Variants in ADCK1 observed in about 807,000 individuals in gnomAD.
The protein encoded by ADCK1 is aarF domain containing kinase 1, also known as aarF domain-containing protein kinase 1.
In ADCK1, 41 loss-of-function variants were observed where a neutral mutation model predicts 52.3. That is an observed-to-expected ratio of 0.78 (90% confidence interval 0.61 to 1.02). The LOEUF (loss-of-function observed/expected upper bound fraction) is 1.02, where lower values mean the gene tolerates loss of function less well. Among genes scored for constraint, ADCK1 ranks in the 50% least tolerant of loss-of-function variants. The pLI, the probability that ADCK1 is intolerant of heterozygous loss-of-function variation, is 0.00. For synonymous variants in ADCK1, 250 were observed against 274.6 expected (o/e 0.91, Z 0.89); for missense variants, 658 against 679.5 (o/e 0.97, Z 0.35).
At chr14:77,852,905 A>ATTTTTTTTTTTTTTTTTT (rs1566668044) in intron 3 of ADCK1, among the ~76,000 whole-genome samples, 1 of 28,438 alleles carries the variant, frequency 3.5e-5, no homozygotes, top group Non-Finnish European at 6.4e-5. Context: ...ATATATATAT[A>ATTTTTTTTTTTTTTTTTT]TATTTTTTTT....
chr14:77,893,868 G>A (rs1008689467), intron 5 of ADCK1, among the ~76,000 whole-genome samples: 2 of 151,862 alleles, frequency 1.3e-5, no homozygotes, highest in African/African-American at 4.8e-5. Context: ...CAAGTAGCTG[G>A]GATTACAGGT....
intron 6 of ADCK1, among the ~76,000 whole-genome samples, chr14:77,899,527 C>T (rs2083485002): frequency 6.6e-6 from 1 of 152,194 alleles, no homozygotes; most frequent in Non-Finnish European, 1.5e-5. Context: ...TGAGCCTTAG[C>T]CAAGAACCTA....
At chr14:77,890,661 A>G (rs1301177414) in intron 5 of ADCK1, among the ~76,000 whole-genome samples, 1 of 152,230 alleles carries the variant, frequency 6.6e-6, no homozygotes. Context: ...AGATCAAATC[A>G]GTAAAGCACT....
chr14:77,842,884 C>CT (rs1225970669), intron 3 of ADCK1, among the ~76,000 whole-genome samples: 9,814 of 135,580 alleles, frequency 0.072, 326 homozygotes, highest in African/African-American at 0.087. Context: ...CTTTTCTTTT[C>CT]TTTCTTTCTT....
chr14:77,801,996 A>G (rs2081120262), intron 1 of ADCK1, among the ~76,000 whole-genome samples: 1 of 152,034 alleles, frequency 6.6e-6, no homozygotes, highest in Non-Finnish European at 1.5e-5. Context: ...GTAACTCACT[A>G]AATATGCCTC....
chr14:77,854,769 A>G (rs887860964), intron 3 of ADCK1, among the ~76,000 whole-genome samples: 1 of 151,972 alleles, frequency 6.6e-6, no homozygotes, highest in African/African-American at 2.4e-5. Context: ...ATGTTGGCCA[A>G]GCTGGTCTTG....
chr14:77,930,447 A>T (rs1233990162), intron 9 of ADCK1, among the ~76,000 whole-genome samples: 3 of 152,014 alleles, frequency 2.0e-5, no homozygotes, highest in African/African-American at 7.3e-5. Context: ...TGCTGCTGGG[A>T]GGCGGGCACA....
chr14:77,924,323 C>T, intron 7 of ADCK1, 134 bp from the exon 8 acceptor site: 1 of 1,136,282 alleles, frequency 8.8e-7, no homozygotes. Context: ...AACAATCACT[C>T]CCACCACAAC....
At chr14:77,901,270 G>A (rs2083536504) in intron 6 of ADCK1, among the ~76,000 whole-genome samples, 1 of 150,858 alleles carries the variant, frequency 6.6e-6, no homozygotes, top group African/African-American at 2.4e-5. Flanking sequence ...GGCTAGTCTT[G>A]AACTCCCGAC....
rs982581074 is a variant in ADCK1 at position 77,810,433 on chromosome 14, G to A, written c.-11-8535G>A. Among the ~76,000 whole-genome samples the A allele has an allele frequency of 2.6e-5, 4 of 151,862 alleles. No homozygotes were observed. The South Asian group carries it at 6.2e-4, about 24-fold the overall frequency. ...CCTGGCCAGTTAATTCTTACAATGA[G>A]CCTAGAAGGTGGGTACTCTCAAGAG... On this transcript the variant is annotated intron_variant, in intron 1 of 10. Transcript: ENST00000238561.
At chr14:77,921,333 A>AAAAAAAAAAAAAC (rs2084050741) in intron 7 of ADCK1, among the ~76,000 whole-genome samples, 1 of 134,846 alleles carries the variant, frequency 7.4e-6, no homozygotes. Flanking sequence ...TCTCAAAAAA[A>AAAAAAAAAAAAAC]AAAAAAAAAA....
At chr14:77,898,550 C>G (rs190935910) in intron 5 of ADCK1, among the ~76,000 whole-genome samples, 1 of 152,080 alleles carries the variant, frequency 6.6e-6, no homozygotes. Context: ...CAAAAAAACC[C>G]AAAGACCGCT....
intron 3 of ADCK1, among the ~76,000 whole-genome samples, chr14:77,837,672 G>A (rs10145976): frequency 0.32 from 49,022 of 152,018 alleles, 8,467 homozygotes; most frequent in African/African-American, 0.43. Context: ...CTCCAGGCCA[G>A]TGGTCCATAC....
intron 4 of ADCK1, among the ~76,000 whole-genome samples, chr14:77,882,649 A>G (rs928240753): frequency 6.6e-6 from 1 of 152,074 alleles, no homozygotes; most frequent in Non-Finnish European, 1.5e-5. Context: ...TGTTTAAGGT[A>G]CTCCAAGCAA....
intron 3 of ADCK1, among the ~76,000 whole-genome samples, chr14:77,849,478 G>A (rs1428011708): frequency 6.6e-6 from 1 of 151,976 alleles, no homozygotes; most frequent in Non-Finnish European, 1.5e-5. Context: ...GTCTCGCTTT[G>A]TTGCTGAGGC....
At chr14:77,916,730 C>T (rs996690922) in intron 7 of ADCK1, among the ~76,000 whole-genome samples, 3 of 152,226 alleles carry the variant, frequency 2.0e-5, no homozygotes, top group Non-Finnish European at 2.9e-5. Context: ...TTCTTTCTTC[C>T]TCACTATCTC....
intron 1 of ADCK1, among the ~76,000 whole-genome samples, chr14:77,804,963 T>C (rs1293169486): frequency 1.3e-5 from 2 of 152,022 alleles, no homozygotes; most frequent in Non-Finnish European, 2.9e-5. Flanking sequence ...TCCCAGCACT[T>C]TGGGAGGCTG....
chr14:77,827,833 G>C (rs745611745), intron 3 of ADCK1: 6 of 369,924 alleles, frequency 1.6e-5, no homozygotes, highest in East Asian at 8.2e-5. Context: ...TTTTTAAAAG[G>C]CTTTTTTTTT....
chr14:77,894,764 T>TTTTTTTTTTTTTTTTTG (rs2083372420), intron 5 of ADCK1, among the ~76,000 whole-genome samples: 1 of 111,050 alleles, frequency 9.0e-6, no homozygotes, highest in Non-Finnish European at 1.8e-5. Context: ...TTTTTTTTTT[T>TTTTTTTTTTTTTTTTTG]AGATGGAGTC....
Sources: allele counts gnomAD v4.1 joint callset (sites outside exome capture counted in the v4.1 genomes callset), GRCh38; gene constraint gnomAD v4.1.1; transcripts MANE v1.5; gene names NCBI Gene and HGNC (gene_info 2026-07-23, HGNC 2026-07-21).